ACTR3C: variants seen among roughly 807,000 people sequenced by gnomAD.
ACTR3C encodes actin related protein 3C.
ACTR3C carries 18 observed loss-of-function variants against 26.3 expected under a neutral mutation model. The observed-to-expected ratio is 0.68, with a 90% confidence interval of 0.47 to 1.01. The LOEUF is 1.01. Ranked by LOEUF, ACTR3C falls within the 50% of genes least tolerant of loss-of-function variation. The pLI, the probability that ACTR3C is intolerant of heterozygous loss-of-function variation, is 0.00. For synonymous variants in ACTR3C, 55 were observed against 94.5 expected (o/e 0.58, Z 2.42); for missense variants, 184 against 250.7 (o/e 0.73, Z 1.80).
chr7:149,918,770 A>G, the ACTR3C span, among the ~76,000 whole-genome samples: 1 of 152,206 alleles, frequency 6.6e-6, no homozygotes, highest in African/African-American at 2.4e-5. Flanking sequence ...CAACAGCAAG[A>G]TTTTGGCCCT....
the ACTR3C span, among the ~76,000 whole-genome samples, chr7:150,218,330 C>T: frequency 6.6e-6 from 1 of 152,200 alleles, no homozygotes; most frequent in Admixed American, 6.5e-5. Flanking sequence ...ACTTTGCAGG[C>T]AAACAACAAC....
At chr7:149,921,040 G>A in the ACTR3C span, among the ~76,000 whole-genome samples, 2 of 152,160 alleles carry the variant, frequency 1.3e-5, no homozygotes, top group Non-Finnish European at 2.9e-5. Context: ...ACAGGCGTGA[G>A]CCACCGTGCC....
chr7:150,257,861 A>G (rs2129609775), intron 6 of ACTR3C, among the ~76,000 whole-genome samples: 1 of 152,184 alleles, frequency 6.6e-6, no homozygotes, highest in East Asian at 1.9e-4. Flanking sequence ...ACCATCATCA[A>G]TAATAAGTTT....
the ACTR3C span, among the ~76,000 whole-genome samples, chr7:150,190,503 T>G: frequency 6.6e-6 from 1 of 152,182 alleles, no homozygotes; most frequent in African/African-American, 2.4e-5. Flanking sequence ...TAGATTAAAT[T>G]TACACGTGAG....
the ACTR3C span, among the ~76,000 whole-genome samples, chr7:150,224,335 T>C: frequency 1.3e-5 from 2 of 152,372 alleles, no homozygotes; most frequent in Admixed American, 6.5e-5. Context: ...CTTTCAAGAT[T>C]GCCAAAAGTC....
chr7:150,029,412 AAAAAACAAAC>A, the ACTR3C span, among the ~76,000 whole-genome samples: 4,084 of 98,222 alleles, frequency 0.042, 289 homozygotes, highest in African/African-American at 0.2. Context: ...ACAAAAAAAA[AAAAAACAAAC>A]AAAAAAAAAC....
At chr7:150,237,903 T>G in the ACTR3C span, among the ~76,000 whole-genome samples, 3 of 104,464 alleles carry the variant, frequency 2.9e-5, no homozygotes, top group East Asian at 9.3e-4. Context: ...CCCACGCAGG[T>G]TATTTTCCCT....
the ACTR3C span, among the ~76,000 whole-genome samples, chr7:149,907,062 G>C: frequency 1.1e-4 from 1 of 9,240 alleles, no homozygotes; most frequent in Admixed American, 8.6e-4. Context: ...CGGGGCTTGA[G>C]GATTCTCTAG....
the ACTR3C span, among the ~76,000 whole-genome samples, chr7:149,955,736 C>G: frequency 6.6e-6 from 1 of 152,296 alleles, no homozygotes; most frequent in South Asian, 2.1e-4. Context: ...CTGAAGCCAA[C>G]AGTAGCCCAC....
At chr7:150,182,944 A>G in the ACTR3C span, among the ~76,000 whole-genome samples, 2 of 150,952 alleles carry the variant, frequency 1.3e-5, no homozygotes, top group Admixed American at 6.6e-5. Context: ...AAATTCAAGA[A>G]CTCCATCTTC....
the ACTR3C span, among the ~76,000 whole-genome samples, chr7:150,166,441 G>A: frequency 1.7e-4 from 25 of 150,932 alleles, no homozygotes; most frequent in Admixed American, 9.8e-4. Flanking sequence ...GCTCATGCCT[G>A]TAATCCCAGC....
the ACTR3C span, among the ~76,000 whole-genome samples, chr7:149,962,808 G>A: frequency 4.6e-5 from 7 of 152,244 alleles, no homozygotes; most frequent in Admixed American, 4.6e-4. Flanking sequence ...GCACATCCTC[G>A]GCATTCCCCT....
At chr7:150,153,278 A>T in the ACTR3C span, among the ~76,000 whole-genome samples, 1 of 152,112 alleles carries the variant, frequency 6.6e-6, no homozygotes, top group South Asian at 2.1e-4. Flanking sequence ...CATCAGAGTG[A>T]ACAGGCAACC....
intron 2 of ACTR3C, among the ~76,000 whole-genome samples, chr7:150,294,356 C>T (rs184206120): frequency 6.6e-6 from 1 of 152,232 alleles, no homozygotes; most frequent in African/African-American, 2.4e-5. Context: ...GGGTGGAAAA[C>T]CCTGGTCGAA....
chr7:150,109,216 C>T, the ACTR3C span, among the ~76,000 whole-genome samples: 9 of 151,942 alleles, frequency 5.9e-5, no homozygotes, highest in Admixed American at 5.9e-4. Flanking sequence ...TTTTTAGCTA[C>T]AAATACATTT....
At chr7:150,065,720 GC>G in the ACTR3C span, among the ~76,000 whole-genome samples, 1 of 150,550 alleles carries the variant, frequency 6.6e-6, no homozygotes, top group Non-Finnish European at 1.5e-5. Flanking sequence ...TGTCCATTTT[GC>G]ATATGTTTTA....
the ACTR3C span, among the ~76,000 whole-genome samples, chr7:150,041,845 G>T: frequency 6.9e-6 from 1 of 143,902 alleles, no homozygotes; most frequent in Admixed American, 6.8e-5. Flanking sequence ...TGGAAGAGGG[G>T]ATAGCTCTCA....
chr7:150,252,273 TTGGAGAACATGG>T (rs1485394807), intron 6 of ACTR3C, among the ~76,000 whole-genome samples: 1 of 152,196 alleles, frequency 6.6e-6, no homozygotes, highest in Non-Finnish European at 1.5e-5. Context: ...CTTAAGTTCT[TTGGAGAACATGG>T]ACATATAAAG....
chr7:150,152,356 T>A, the ACTR3C span, among the ~76,000 whole-genome samples: 3 of 152,176 alleles, frequency 2.0e-5, no homozygotes, highest in African/African-American at 4.8e-5. Flanking sequence ...TGAAGCGTTG[T>A]TGAATTTTGT....
Sources: allele counts gnomAD v4.1 joint callset (sites outside exome capture counted in the v4.1 genomes callset), GRCh38; gene constraint gnomAD v4.1.1; transcripts MANE v1.5; gene names NCBI Gene and HGNC (gene_info 2026-07-23, HGNC 2026-07-21).